Variants in CAB39 observed in about 807,000 individuals in gnomAD.
CAB39 encodes the protein calcium-binding protein 39.
CAB39 carries 8 observed loss-of-function variants against 40.0 expected under a neutral mutation model. That is an observed-to-expected ratio of 0.20 (90% CI 0.12 to 0.36). The LOEUF is 0.36. Ranked by LOEUF, CAB39 falls within the 10% of genes least tolerant of loss-of-function variation. The probability of loss-of-function intolerance (pLI) is 1.00; values close to 1 mark genes in which losing one functional copy is unlikely to be tolerated. For synonymous variants in CAB39, 156 were observed against 141.6 expected, an observed-to-expected ratio of 1.10 and a Z score of -0.72; for missense variants, 270 against 401.1, an observed-to-expected ratio of 0.67 and a Z score of 2.79.
chr2:230,748,576 C>T (rs963887533), intron 1 of CAB39, among the ~76,000 whole-genome samples: 4 of 151,684 alleles, frequency 2.6e-5, no homozygotes, highest in Non-Finnish European at 5.9e-5. Context: ...GAGACCAAGG[C>T]GGGTCAATCA....
chr2:230,753,560 C>T (rs1695127402), intron 1 of CAB39, among the ~76,000 whole-genome samples: 1 of 151,980 alleles, frequency 6.6e-6, no homozygotes, highest in Non-Finnish European at 1.5e-5. Flanking sequence ...CAAGACCAGC[C>T]TGGCCAACAT....
chr2:230,719,742 A>G (rs532873089), intron 1 of CAB39, among the ~76,000 whole-genome samples: 156 of 152,264 alleles, frequency 1.0e-3, no homozygotes, highest in African/African-American at 3.5e-3. Context: ...CAGTCATCCC[A>G]TTATTATACC....
chr2:230,755,042 C>A (rs572605444), intron 1 of CAB39, among the ~76,000 whole-genome samples: 7 of 152,180 alleles, frequency 4.6e-5, no homozygotes, highest in African/African-American at 1.4e-4. Context: ...GAGTAGTAGT[C>A]CATCATATAT....
intron 2 of CAB39, among the ~76,000 whole-genome samples, chr2:230,769,443 G>GAT (rs1559604024): frequency 1.3e-5 from 2 of 152,166 alleles, no homozygotes; most frequent in Non-Finnish European, 2.9e-5. Context: ...CTCAACAACT[G>GAT]TGGAACACAC....
At chr2:230,800,915 A>G (rs545031959) in intron 5 of CAB39, among the ~76,000 whole-genome samples, 11 of 152,172 alleles carry the variant, frequency 7.2e-5, no homozygotes, top group African/African-American at 2.6e-4. Flanking sequence ...AGAAAATGGC[A>G]GTGATGGATC....
intron 5 of CAB39, among the ~76,000 whole-genome samples, chr2:230,801,533 C>T (rs1240281732): frequency 6.6e-6 from 1 of 152,174 alleles, no homozygotes; most frequent in Non-Finnish European, 1.5e-5. Flanking sequence ...AAACATGTGG[C>T]TCATCCATAG....
intron 1 of CAB39, among the ~76,000 whole-genome samples, chr2:230,715,374 T>A (rs1694329889): frequency 6.6e-6 from 1 of 152,220 alleles, no homozygotes; most frequent in South Asian, 2.1e-4. Context: ...GCTTGTTGAA[T>A]AAAGTTTTTC....
chr2:230,737,354 T>C (rs554668150), intron 1 of CAB39, among the ~76,000 whole-genome samples: 10 of 152,170 alleles, frequency 6.6e-5, no homozygotes, highest in East Asian at 1.9e-4. Flanking sequence ...CCCACTGTTA[T>C]GGAACAAGCT....
chr2:230,762,221 G>A (rs1695308195), intron 2 of CAB39, among the ~76,000 whole-genome samples: 2 of 152,030 alleles, frequency 1.3e-5, no homozygotes, highest in Admixed American at 1.3e-4. Flanking sequence ...AAGTGGTATT[G>A]TAAACGCAGG....
intron 1 of CAB39, among the ~76,000 whole-genome samples, chr2:230,742,438 G>A (rs948288901): frequency 1.3e-5 from 2 of 152,040 alleles, no homozygotes; most frequent in Non-Finnish European, 2.9e-5. Flanking sequence ...GCCTCCCACA[G>A]TGCTGGGATT....
At chr2:230,713,858 A>C (rs894681636) in intron 1 of CAB39, 1 of 152,442 alleles carries the variant, frequency 6.6e-6, no homozygotes, top group Middle Eastern at 3.4e-3. Context: ...TGTGAGAGAT[A>C]AGACGAGAAC....
Position 230,818,833 on chromosome 2 carries a change from A to T in CAB39, c.*129A>T. The T allele has an allele frequency of 1.3e-6, 1 of 756,880 alleles. No individual in the cohort carries two copies. 46.9% of individuals were successfully genotyped at this position (756,880 alleles called of 1,614,324 possible). ...TGTTAAGTGAACGGTTTTTCATTTTACCCTTTTGTTTTTCAGTCCAGGTTG... is the reference window on the plus strand; with the variant it reads ...TGTTAAGTGAACGGTTTTTCATTTTTCCCTTTTGTTTTTCAGTCCAGGTTG... On this transcript the variant is annotated 3_prime_UTR_variant, in exon 9 of 9. Coordinates refer to ENST00000258418, the MANE Select transcript of CAB39 (RefSeq NM_016289.4).
intron 1 of CAB39, among the ~76,000 whole-genome samples, chr2:230,722,804 A>T (rs925768002): frequency 3.9e-4 from 59 of 152,334 alleles, no homozygotes; most frequent in African/African-American, 1.4e-3. Context: ...GCAACCTCCA[A>T]GTAAAGCTAG....
chr2:230,745,609 TTTTTTTC>T (rs1694959093), intron 1 of CAB39, among the ~76,000 whole-genome samples: 1 of 152,122 alleles, frequency 6.6e-6, no homozygotes, highest in South Asian at 2.1e-4. Flanking sequence ...CTTTTTAAAA[TTTTTTTC>T]TTTTTTCTTT....
Position 230,817,908 on chromosome 2 carries a change from A to G in CAB39, c.837+11A>G, listed in dbSNP as rs1314683925. ...TTTCACGTTTTTAAGGTAGAGTACT[A>G]GAAGCATCAGTGATACTGTCCACTG... is the stretch of plus-strand genomic sequence containing the variant. On this transcript the variant is annotated intron_variant, in intron 8 of 8. Coordinates refer to ENST00000258418, the MANE Select transcript of CAB39 (RefSeq NM_016289.4). 2 of 1,605,124 alleles carry G rather than the reference A, an allele frequency of 1.2e-6. No homozygotes were observed. The highest frequency in any genetic ancestry group is 8.5e-7 in the Non-Finnish European group (1 of 1,177,370).
intron 4 of CAB39, among the ~76,000 whole-genome samples, chr2:230,797,400 A>G (rs1696004918): frequency 6.6e-6 from 1 of 152,134 alleles, no homozygotes; most frequent in African/African-American, 2.4e-5. Flanking sequence ...CAGTAGCTAT[A>G]TGTGGCCAAT....
Position 230,760,034 on chromosome 2 carries a change from T to C in CAB39, c.33T>C (p.Ser11=). ...TCCCGTTTGGGAAGTCTCACAAATCTCCAGCAGACATTGTGAAGAATCTGA... is the reference window on the plus strand; with the variant it reads ...TCCCGTTTGGGAAGTCTCACAAATCCCCAGCAGACATTGTGAAGAATCTGA... MPFPFGKSHK[S]PADIVKNLKE... The change falls in exon 2 of 9, where the codon TCT becomes TCC. Residue 11 remains serine, a synonymous_variant. Transcript: ENST00000258418. 1 of 1,613,818 alleles carries C rather than the reference T, an allele frequency of 6.2e-7. No homozygotes were observed. The highest frequency in any genetic ancestry group is 1.1e-5 in the South Asian group (1 of 91,072).
chr2:230,768,420 G>A (rs879447474), intron 2 of CAB39, among the ~76,000 whole-genome samples: 1 of 152,186 alleles, frequency 6.6e-6, no homozygotes, highest in Non-Finnish European at 1.5e-5. Flanking sequence ...CTGTAGTTAA[G>A]GGTGATCAGG....
At chr2:230,718,722 C>T (rs1025693243) in intron 1 of CAB39, among the ~76,000 whole-genome samples, 3 of 152,054 alleles carry the variant, frequency 2.0e-5, no homozygotes, top group African/African-American at 7.2e-5. Context: ...GGGGGAGAAA[C>T]TTTAGAACTT....
Sources: gnomAD v4.1 joint callset for allele counts (sites outside exome capture counted in the v4.1 genomes callset) on GRCh38, gnomAD v4.1.1 for gene constraint, MANE v1.5 for transcripts, NCBI Gene and HGNC (gene_info 2026-07-23, HGNC 2026-07-21) for gene names.